Variants in RGS17 observed in about 807,000 individuals in gnomAD.
RGS17 encodes the protein regulator of G-protein signaling 17.
Under a neutral mutation model 25.5 loss-of-function variants are expected in RGS17, and 12 were observed. The observed-to-expected ratio is 0.47, with a 90% confidence interval of 0.30 to 0.76. RGS17 has a LOEUF of 0.76. Ranked by LOEUF, RGS17 falls within the 30% of genes least tolerant of loss-of-function variation. The pLI, the probability that RGS17 is intolerant of heterozygous loss-of-function variation, is 0.07. For synonymous variants in RGS17, 71 were observed against 76.9 expected (o/e 0.92, Z 0.40); for missense variants, 196 against 242.2 (o/e 0.81, Z 1.27).
chr6:153,068,923 G>C (rs758788398), intron 1 of RGS17, among the ~76,000 whole-genome samples: 4 of 152,100 alleles, frequency 2.6e-5, no homozygotes, highest in Non-Finnish European at 5.9e-5. Context: ...ACCCCACTTA[G>C]AAGGGCTTAT....
At position 153,030,780 on chromosome 6, in the gene RGS17, C is replaced by T. The variant is rs191265512; in HGVS notation, c.120-4237G>A. 2.6e-5 allele frequency among the ~76,000 whole-genome samples: 4 copies of T among 152,194 alleles called. No homozygotes were observed. The East Asian group carries it at 7.7e-4, about 29-fold the overall frequency. On this transcript the variant is annotated intron_variant, in intron 2 of 4. Coordinates refer to ENST00000206262, the MANE Select transcript of RGS17 (RefSeq NM_012419.5). ...ATGAAACACTGGTTCATGCAACATTCCCTGGTTGGACATAAAAGGTGAATA... is the reference window on the plus strand; with the variant it reads ...ATGAAACACTGGTTCATGCAACATTTCCTGGTTGGACATAAAAGGTGAATA...
intron 1 of RGS17, among the ~76,000 whole-genome samples, chr6:153,068,971 G>A (rs1474944104): frequency 1.3e-5 from 2 of 152,166 alleles, no homozygotes; most frequent in Non-Finnish European, 2.9e-5. Flanking sequence ...TGGTAAAGAT[G>A]TGGAGAAAAG....
chr6:153,038,691 G>A (rs1584128806), intron 2 of RGS17, among the ~76,000 whole-genome samples: 1 of 152,296 alleles, frequency 6.6e-6, no homozygotes, highest in East Asian at 1.9e-4. Context: ...TCTTTACCAT[G>A]GTGCAGGCAT....
At chr6:153,069,646 G>A (rs543102559) in intron 1 of RGS17, among the ~76,000 whole-genome samples, 2 of 152,162 alleles carry the variant, frequency 1.3e-5, no homozygotes, top group South Asian at 2.1e-4. Flanking sequence ...AAGGATAAAT[G>A]CTTGAGAGGA....
intron 1 of RGS17, among the ~76,000 whole-genome samples, chr6:153,075,835 T>C (rs1776869645): frequency 6.6e-6 from 1 of 152,236 alleles, no homozygotes; most frequent in African/African-American, 2.4e-5. Flanking sequence ...TTTTTGTGTG[T>C]GTATACACAT....
At chr6:153,112,239 G>T (rs561922640) in intron 1 of RGS17, among the ~76,000 whole-genome samples, 2 of 152,282 alleles carry the variant, frequency 1.3e-5, no homozygotes, top group Admixed American at 1.3e-4. Flanking sequence ...AAAGTGACCT[G>T]ATGGCACTGA....
chr6:153,087,006 G>C (rs1444406311), intron 1 of RGS17, among the ~76,000 whole-genome samples: 4 of 152,158 alleles, frequency 2.6e-5, no homozygotes, highest in Non-Finnish European at 5.9e-5. Context: ...CAAAAGGCCG[G>C]GCACAATGGC....
At chr6:153,093,380 A>C (rs954475643) in intron 1 of RGS17, among the ~76,000 whole-genome samples, 2 of 152,182 alleles carry the variant, frequency 1.3e-5, no homozygotes, top group Admixed American at 6.5e-5. Context: ...ACTGGTACCC[A>C]GTGTGGTGAA....
intron 2 of RGS17, among the ~76,000 whole-genome samples, chr6:153,042,242 T>C (rs1364201921): frequency 2.0e-5 from 3 of 152,222 alleles, no homozygotes; most frequent in East Asian, 3.8e-4. Context: ...GGCTTAATAA[T>C]GAAAGGAAAC....
At chr6:153,070,451 C>T (rs996961587) in intron 1 of RGS17, among the ~76,000 whole-genome samples, 3 of 152,056 alleles carry the variant, frequency 2.0e-5, no homozygotes, top group Non-Finnish European at 2.9e-5. Context: ...TCTATGTATA[C>T]AAGTTGGCTC....
rs556327193 is a variant in RGS17, at chr6:153,103,157, T to C, written c.-26+27967A>G. ...GGACAATACAATAAATCACAAGATA[T>C]ACAGGAGGATCTAACATTTGAGTAA... On this transcript the variant is annotated intron_variant, in intron 1 of 4. Transcript: ENST00000206262. Among the ~76,000 whole-genome samples the C allele has an allele frequency of 2.6e-5, 4 of 152,332 alleles. No homozygotes were observed. In the South Asian group the frequency reaches 6.2e-4, roughly 24 times the overall value.
At position 153,006,839 on chromosome 6, in the gene RGS17, A is replaced by G. The variant is rs1779081926; in HGVS notation, c.*4735T>C. On this transcript the variant is annotated 3_prime_UTR_variant, in exon 5 of 5. Coordinates refer to ENST00000206262, the MANE Select transcript of RGS17 (RefSeq NM_012419.5). The stretch of plus-strand genomic sequence containing the variant: ...TCAGAGAAGATAAATGATTTGCCCA[A>G]AGTCACATGAGACAGAAATATAACT... The G allele has an allele frequency of 3.3e-5, 5 of 152,198 alleles. No individual in the cohort carries two copies. The allele number at this position is 152,198 out of a possible 1,614,324, so 9.4% of individuals were successfully genotyped here.
At chr6:153,053,953 CATATATATTAT>C (rs749972436) in intron 1 of RGS17, among the ~76,000 whole-genome samples, 9,035 of 51,446 alleles carry the variant, frequency 0.18, 2,036 homozygotes, top group Admixed American at 0.27. Context: ...AATATATATA[CATATATATTAT>C]ATACATATAT....
chr6:153,054,685 A>ATAAG (rs1776529885), intron 1 of RGS17, among the ~76,000 whole-genome samples: 1 of 151,216 alleles, frequency 6.6e-6, no homozygotes, highest in Non-Finnish European at 1.5e-5. Flanking sequence ...AAATAAATAA[A>ATAAG]TAAATAAAAA....
At chr6:153,068,026 T>C (rs765225230) in intron 1 of RGS17, among the ~76,000 whole-genome samples, 45 of 152,338 alleles carry the variant, frequency 3.0e-4, no homozygotes, top group Non-Finnish European at 5.1e-4. Flanking sequence ...GAACTCATTT[T>C]TGACAAAGGT....
In RGS17 at chr6:153,130,627, A is replaced by T. The variant is rs1304862903; in HGVS notation, c.-26+497T>A. 6.6e-6 allele frequency among the ~76,000 whole-genome samples: 1 copy of T among 152,180 alleles called. No individual in the cohort carries two copies. The highest frequency in any genetic ancestry group is 1.5e-5 in the Non-Finnish European group (1 of 68,024). On this transcript the variant is annotated intron_variant, in intron 1 of 4. Coordinates refer to ENST00000206262, the MANE Select transcript of RGS17 (RefSeq NM_012419.5). The surrounding 1 kb of genome is among the most constrained non-coding windows in gnomAD (Gnocchi z 6.4). Reference sequence around the variant, plus strand: ...TAAAGAGAGATAAGGGAGGAAACACAGCACCCAAGGTGATCAGTCGATTGG... The same window carrying T: ...TAAAGAGAGATAAGGGAGGAAACACTGCACCCAAGGTGATCAGTCGATTGG...
intron 1 of RGS17, among the ~76,000 whole-genome samples, chr6:153,060,715 CT>C (rs564824203): frequency 0.078 from 11,414 of 146,450 alleles, 454 homozygotes; most frequent in Non-Finnish European, 0.085. Context: ...GTTTATCGCA[CT>C]TTTTTTTTTT....
Position 153,130,709 on chromosome 6 carries a change from C to T in RGS17, c.-26+415G>A, listed in dbSNP as rs898522901. Among the ~76,000 whole-genome samples, 56 of 152,260 alleles carry T rather than the reference C, an allele frequency of 3.7e-4. No homozygotes were observed. The highest frequency in any genetic ancestry group is 1.3e-3 in the African/African-American group (54 of 41,568). On this transcript the variant is annotated intron_variant, in intron 1 of 4. Transcript: ENST00000206262. This position sits in a 1 kb window ranked among gnomAD's most constrained non-coding sequence, Gnocchi z 6.4. ...AACCAACCGCACAAAACCCGCAACA[C>T]CTCGCGTCCCCGCGGGGTCTCCCGC... is the stretch of plus-strand genomic sequence containing the variant.
rs143705104 is a variant in RGS17 at position 153,019,137 on chromosome 6, C to T, written c.444+5125G>A. 8.3e-3 allele frequency among the ~76,000 whole-genome samples: 1,267 copies of T among 152,286 alleles called. 17 individuals are homozygous for T. Among genetic ancestry groups the T allele is most frequent in the African/African-American group, 0.029 (1,207 of 41,570 alleles). On this transcript the variant is annotated intron_variant, in intron 4 of 4. Coordinates refer to ENST00000206262, the MANE Select transcript of RGS17 (RefSeq NM_012419.5). ...CAGATATCACGGGTTTTTGGGCTTT[C>T]CCCATGCCTTCATTCATAACACTAG...
Sources: allele counts gnomAD v4.1 joint callset (sites outside exome capture counted in the v4.1 genomes callset), GRCh38; gene constraint gnomAD v4.1.1; non-coding constraint Gnocchi (gnomAD v3.1); transcripts MANE v1.5; gene names NCBI Gene and HGNC (gene_info 2026-07-23, HGNC 2026-07-21).